NBEA: variants seen among roughly 807,000 people sequenced by gnomAD.
NBEA encodes the protein neurobeachin, also known as lysosomal-trafficking regulator 2.
In NBEA, 44 loss-of-function variants were observed where a neutral mutation model predicts 343.4. The observed-to-expected ratio is 0.13, with a 90% CI of 0.10 to 0.16. The LOEUF is 0.16. Ranked by LOEUF, NBEA falls within the 10% of genes least tolerant of loss-of-function variation. The probability of loss-of-function intolerance (pLI) is 1.00; values close to 1 mark genes in which losing one functional copy is unlikely to be tolerated. For missense variants in NBEA, 2,555 were observed against 3,631.3 expected, an observed-to-expected ratio of 0.70 and a Z score of 7.62; for synonymous variants, 1,175 against 1,238.7, an observed-to-expected ratio of 0.95 and a Z score of 1.08.
At chr13:35,476,329 GC>G in intron 41 of NBEA, 2 of 1,207,590 alleles carry the variant, frequency 1.7e-6, no homozygotes, top group East Asian at 5.0e-5. Flanking sequence ...TGCTGCTGCT[GC>G]TGCTGCTGCT....
In NBEA at chr13:35,348,719, TAAAG is replaced by T. The variant is rs2040014365; in HGVS notation, c.5904-388_5904-385del. Among the ~76,000 whole-genome samples, 6 of 152,168 alleles carry T rather than the reference TAAAG, an allele frequency of 3.9e-5. No homozygotes were observed. The South Asian group carries it at 1.2e-3, about 32-fold the overall frequency. On this transcript the variant is annotated intron_variant, in intron 36 of 58. Coordinates refer to ENST00000379939, the MANE Select transcript of NBEA (RefSeq NM_001385012.1). Reference sequence around the variant, plus strand: ...GAGGTACAATATAAAAAAATAAAAATAAAGTAAGAATCTAGTCTGTTGATTTCCT... The same window carrying T: ...GAGGTACAATATAAAAAAATAAAAATTAAGAATCTAGTCTGTTGATTTCCT...
chr13:35,016,240 T>G (rs2061652359), intron 1 of NBEA, among the ~76,000 whole-genome samples: 1 of 152,150 alleles, frequency 6.6e-6, no homozygotes, highest in Non-Finnish European at 1.5e-5. Context: ...TGTGTGTGTA[T>G]GTAGATATAT....
At chr13:35,356,900 G>A (rs912881863) in intron 38 of NBEA, among the ~76,000 whole-genome samples, 1 of 152,012 alleles carries the variant, frequency 6.6e-6, no homozygotes, top group Non-Finnish European at 1.5e-5. Context: ...GGATTTCTCT[G>A]ACCTTTCTAT....
At chr13:35,560,572 G>C (rs532251068) in intron 44 of NBEA, among the ~76,000 whole-genome samples, 1 of 152,156 alleles carries the variant, frequency 6.6e-6, no homozygotes, top group Non-Finnish European at 1.5e-5. Flanking sequence ...CAACATCTGT[G>C]GGGGAGTGAA....
chr13:35,551,191 GC>G (rs1464088851), intron 43 of NBEA, among the ~76,000 whole-genome samples, 159 bp downstream of exon 43: 2 of 151,566 alleles, frequency 1.3e-5, no homozygotes, highest in South Asian at 4.2e-4. Flanking sequence ...TATGAAAATA[GC>G]TATTTTGAGA....
intron 34 of NBEA, among the ~76,000 whole-genome samples, chr13:35,235,666 A>G (rs987199892): frequency 1.3e-5 from 2 of 152,050 alleles, no homozygotes; most frequent in South Asian, 2.1e-4. Flanking sequence ...AAAATCAGGA[A>G]CCCCTGTGTG....
intron 43 of NBEA, among the ~76,000 whole-genome samples, chr13:35,554,308 T>C (rs570386858): frequency 3.9e-5 from 6 of 152,360 alleles, no homozygotes; most frequent in African/African-American, 1.2e-4. Context: ...TCAATCAGTT[T>C]AAAAACCCAG....
intron 41 of NBEA, among the ~76,000 whole-genome samples, chr13:35,481,858 T>G (rs2076133699): frequency 6.6e-6 from 1 of 151,836 alleles, no homozygotes; most frequent in African/African-American, 2.4e-5. Flanking sequence ...ATGGCTACAT[T>G]TTTAGTACTC....
chr13:35,339,039 A>C (rs2039430940), intron 36 of NBEA, among the ~76,000 whole-genome samples: 1 of 152,122 alleles, frequency 6.6e-6, no homozygotes, highest in Admixed American at 6.6e-5. Flanking sequence ...AGAACCCCGC[A>C]ATGAAGTCAT....
At chr13:35,270,993 G>A (rs1015245509) in intron 34 of NBEA, among the ~76,000 whole-genome samples, 1 of 152,256 alleles carries the variant, frequency 6.6e-6, no homozygotes, top group African/African-American at 2.4e-5. Flanking sequence ...GAAGAGAGCA[G>A]TGGTTCCCCC....
intron 47 of NBEA, among the ~76,000 whole-genome samples, chr13:35,603,816 C>T (rs1281807100): frequency 6.6e-6 from 1 of 152,180 alleles, no homozygotes; most frequent in Non-Finnish European, 1.5e-5. Flanking sequence ...CCACTTTGGA[C>T]CCTTTAGGGT....
chr13:35,190,547 C>A (rs1274564998), intron 30 of NBEA, among the ~76,000 whole-genome samples: 3 of 152,172 alleles, frequency 2.0e-5, no homozygotes, highest in Non-Finnish European at 2.9e-5. Context: ...CAATCATTAG[C>A]TGACCACTAG....
At chr13:35,458,750 A>G (rs1024217521) in intron 40 of NBEA, among the ~76,000 whole-genome samples, 3 of 152,142 alleles carry the variant, frequency 2.0e-5, no homozygotes, top group Non-Finnish European at 4.4e-5. Flanking sequence ...ACTTCTGGTA[A>G]ACGTGTCATT....
intron 35 of NBEA, among the ~76,000 whole-genome samples, chr13:35,299,383 G>A (rs908148562): frequency 5.9e-5 from 9 of 152,130 alleles, no homozygotes; most frequent in Non-Finnish European, 1.3e-4. Flanking sequence ...CTGATGGGAA[G>A]CATTATATTT....
At chr13:35,211,290 G>A (rs2073754436) in intron 33 of NBEA, 111 bp downstream of exon 33, 1 of 936,236 alleles carries the variant, frequency 1.1e-6, no homozygotes, top group African/African-American at 1.7e-5. Flanking sequence ...TAATTATTTT[G>A]TGATTACATT....
chr13:35,178,749 A>T (rs1197367956), intron 28 of NBEA, among the ~76,000 whole-genome samples: 1 of 151,422 alleles, frequency 6.6e-6, no homozygotes, highest in Non-Finnish European at 1.5e-5. Context: ...AAAAAGGGAG[A>T]CTACATTAAA....
At position 35,023,460 on chromosome 13, in the gene NBEA, A is replaced by G. The variant is rs538582005; in HGVS notation, c.295-17473A>G. ...GTGTCCTGTATAAGTTATATTAAATATAATTTATAGTAGAGCTATAGTAGA... is the reference window on the plus strand; with the variant it reads ...GTGTCCTGTATAAGTTATATTAAATGTAATTTATAGTAGAGCTATAGTAGA... On this transcript the variant is annotated intron_variant, in intron 1 of 58. Coordinates refer to ENST00000379939, the MANE Select transcript of NBEA (RefSeq NM_001385012.1). Among the ~76,000 whole-genome samples the G allele has an allele frequency of 2.2e-3, 335 of 152,300 alleles. 3 individuals are homozygous for G. Among genetic ancestry groups the G allele is most frequent in the African/African-American group, 7.2e-3 (301 of 41,576 alleles).
At chr13:35,575,894 T>C (rs1319106917) in intron 45 of NBEA, among the ~76,000 whole-genome samples, 11 of 152,180 alleles carry the variant, frequency 7.2e-5, no homozygotes, top group Admixed American at 7.2e-4. Context: ...ACCTTTTTTT[T>C]CATGATATTG....
At chr13:35,027,542 A>G (rs527988040) in intron 1 of NBEA, among the ~76,000 whole-genome samples, 1 of 152,078 alleles carries the variant, frequency 6.6e-6, no homozygotes, top group African/African-American at 2.4e-5. Flanking sequence ...TTCAATGGCC[A>G]GCTTCTTTAC....
Sources: gnomAD v4.1 joint callset for allele counts (sites outside exome capture counted in the v4.1 genomes callset) on GRCh38, gnomAD v4.1.1 for gene constraint, MANE v1.5 for transcripts, NCBI Gene and HGNC (gene_info 2026-07-23, HGNC 2026-07-21) for gene names.